Variants in ARL8B observed in about 807,000 individuals in gnomAD.
The protein encoded by ARL8B is ARF like GTPase 8B.
ARL8B carries 9 observed loss-of-function variants against 30.6 expected under a neutral mutation model. The ratio of observed to expected loss-of-function variants is 0.29; its 90% CI spans 0.18 to 0.51. The LOEUF is 0.51. Among genes scored for constraint, ARL8B ranks in the 20% least tolerant of loss-of-function variants. ARL8B has a pLI of 0.97. For missense variants in ARL8B, 130 were observed against 227.2 expected (o/e 0.57, Z 2.75); for synonymous variants, 74 against 76.0 (o/e 0.97, Z 0.14).
chr3:5,124,466 T>C (rs2054212530), intron 1 of ARL8B, among the ~76,000 whole-genome samples: 1 of 151,592 alleles, frequency 6.6e-6, no homozygotes, highest in Non-Finnish European at 1.5e-5. Flanking sequence ...TATTAGAATT[T>C]TTTTCTTTTC....
At chr3:5,144,553 C>G (rs1456278262) in intron 1 of ARL8B, among the ~76,000 whole-genome samples, 2 of 152,148 alleles carry the variant, frequency 1.3e-5, no homozygotes, top group Non-Finnish European at 2.9e-5. Context: ...TTACTTATTT[C>G]TCTCCCATCA....
At chr3:5,165,889 T>C (rs562085014) in intron 1 of ARL8B, among the ~76,000 whole-genome samples, 1 of 152,326 alleles carries the variant, frequency 6.6e-6, no homozygotes, top group Admixed American at 6.5e-5. Flanking sequence ...TTGAAAGCAC[T>C]AGAACATATG....
intron 1 of ARL8B, among the ~76,000 whole-genome samples, chr3:5,140,640 C>T (rs2054365305): frequency 6.6e-6 from 1 of 151,226 alleles, no homozygotes; most frequent in Admixed American, 6.6e-5. Context: ...TTGCTTAAAA[C>T]TGAACTAGGG....
At chr3:5,177,304 C>G (rs2054738904) in intron 6 of ARL8B, among the ~76,000 whole-genome samples, 1 of 152,188 alleles carries the variant, frequency 6.6e-6, no homozygotes, top group East Asian at 1.9e-4. Flanking sequence ...ATAAGATCCA[C>G]TCTAATAAAA....
At chr3:5,164,612 G>A (rs2054608872) in intron 1 of ARL8B, among the ~76,000 whole-genome samples, 2 of 152,156 alleles carry the variant, frequency 1.3e-5, no homozygotes, top group Admixed American at 1.3e-4. Context: ...TTCTAAGTAT[G>A]TAGTTTCTAA....
chr3:5,172,350 C>G (rs1230742763), intron 3 of ARL8B, 127 bp downstream of exon 3: 3 of 808,524 alleles, frequency 3.7e-6, no homozygotes, highest in Non-Finnish European at 6.0e-6. Context: ...AGCTAATATC[C>G]TAGTGTAATT....
intron 1 of ARL8B, among the ~76,000 whole-genome samples, chr3:5,161,466 A>G (rs1559283652): frequency 6.6e-6 from 1 of 152,228 alleles, no homozygotes; most frequent in African/African-American, 2.4e-5. Flanking sequence ...TAAATATTTC[A>G]TCTTAAGGGT....
chr3:5,147,341 G>A (rs1205417515), intron 1 of ARL8B, among the ~76,000 whole-genome samples: 1 of 152,154 alleles, frequency 6.6e-6, no homozygotes, highest in Admixed American at 6.5e-5. Flanking sequence ...CCCTGCAAAG[G>A]ACATGAACTC....
chr3:5,147,116 G>T (rs1383044629), intron 1 of ARL8B, among the ~76,000 whole-genome samples: 5 of 151,624 alleles, frequency 3.3e-5, no homozygotes, highest in African/African-American at 1.2e-4. Flanking sequence ...TTGGTGTGCT[G>T]CACCCACTAA....
intron 1 of ARL8B, among the ~76,000 whole-genome samples, chr3:5,147,732 A>G (rs555712919): frequency 1.3e-5 from 2 of 151,964 alleles, no homozygotes; most frequent in Admixed American, 6.6e-5. Context: ...TATTCTATCC[A>G]TCAATCTTGT....
chr3:5,135,033 G>C (rs1320045354), intron 1 of ARL8B, among the ~76,000 whole-genome samples: 4 of 152,168 alleles, frequency 2.6e-5, no homozygotes, highest in Non-Finnish European at 5.9e-5. Flanking sequence ...GTTTTTGGTA[G>C]ACACAGGGTT....
At chr3:5,172,462 A>G (rs978248255) in intron 3 of ARL8B, among the ~76,000 whole-genome samples, 185 bp from the exon 4 acceptor site, 1 of 152,230 alleles carries the variant, frequency 6.6e-6, no homozygotes, top group African/African-American at 2.4e-5. Context: ...ACTATCATGT[A>G]TTAGTCTCTA....
intron 1 of ARL8B, among the ~76,000 whole-genome samples, chr3:5,158,370 G>A (rs903681893): frequency 1.3e-5 from 2 of 152,308 alleles, no homozygotes; most frequent in East Asian, 1.9e-4. Context: ...GTAATGTCAC[G>A]TTTCATGGAC....
intron 1 of ARL8B, among the ~76,000 whole-genome samples, chr3:5,142,619 C>G (rs1239171914): frequency 6.6e-6 from 1 of 152,192 alleles, no homozygotes; most frequent in Non-Finnish European, 1.5e-5. Flanking sequence ...CACCCTGTCT[C>G]AATTTCTAAG....
chr3:5,169,770 C>T (rs1333621931), intron 1 of ARL8B, among the ~76,000 whole-genome samples: 1 of 152,036 alleles, frequency 6.6e-6, no homozygotes, highest in African/African-American at 2.4e-5. Flanking sequence ...TGTGAAAGTC[C>T]TGAGAATTAT....
At chr3:5,131,608 C>T (rs1362630536) in intron 1 of ARL8B, among the ~76,000 whole-genome samples, 1 of 151,802 alleles carries the variant, frequency 6.6e-6, no homozygotes, top group Non-Finnish European at 1.5e-5. Flanking sequence ...CCACACTGGT[C>T]TTGAACTCCT....
chr3:5,129,851 TC>T (rs1197013801), intron 1 of ARL8B, among the ~76,000 whole-genome samples: 1 of 152,080 alleles, frequency 6.6e-6, no homozygotes, highest in Non-Finnish European at 1.5e-5. Context: ...GGCCACATTC[TC>T]CACATTCTCT....
intron 1 of ARL8B, among the ~76,000 whole-genome samples, chr3:5,125,731 C>G (rs569707315): frequency 5.9e-5 from 9 of 152,198 alleles, no homozygotes; most frequent in African/African-American, 2.2e-4. Flanking sequence ...CGGGGTTTCA[C>G]CATGTTGGGC....
At chr3:5,156,208 T>TA (rs1365858825) in intron 1 of ARL8B, among the ~76,000 whole-genome samples, 2 of 152,060 alleles carry the variant, frequency 1.3e-5, no homozygotes, top group Admixed American at 1.3e-4. Flanking sequence ...TGGCCTAAGA[T>TA]AATTGTTTAC....
Sources: gnomAD v4.1 joint callset for allele counts (sites outside exome capture counted in the v4.1 genomes callset) on GRCh38, gnomAD v4.1.1 for gene constraint, MANE v1.5 for transcripts, NCBI Gene and HGNC (gene_info 2026-07-23, HGNC 2026-07-21) for gene names.